The following F13A1 variants were observed in gnomAD, a reference collection of about 807,000 sequenced individuals.
F13A1 encodes the protein FSF, A subunit.
In F13A1, 47 loss-of-function variants were observed where a neutral mutation model predicts 80.1. The observed-to-expected ratio is 0.59, with a 90% CI of 0.46 to 0.75. The LOEUF (loss-of-function observed/expected upper bound fraction) is 0.75, where lower values mean the gene tolerates loss of function less well. F13A1 is among the 30% of genes least tolerant of loss of function. The pLI is 0.00. For synonymous variants in F13A1, 349 were observed against 344.9 expected, an observed-to-expected ratio of 1.01 and a Z score of -0.13; for missense variants, 817 against 930.4, an observed-to-expected ratio of 0.88 and a Z score of 1.59.
intron 4 of F13A1, among the ~76,000 whole-genome samples, chr6:6,261,389 G>C (rs1258712953): frequency 6.6e-6 from 1 of 152,168 alleles, no homozygotes; most frequent in Admixed American, 6.5e-5. Context: ...CAAGTAGCTG[G>C]GACCGCAGGC....
At chr6:6,281,123 GA>G (rs1209896937) in intron 3 of F13A1, among the ~76,000 whole-genome samples, 2 of 152,204 alleles carry the variant, frequency 1.3e-5, no homozygotes, top group Admixed American at 6.5e-5. Context: ...TTAATGGCAA[GA>G]GTCTAATAAA....
At position 6,162,483 on chromosome 6, in the gene F13A1, A is replaced by T. The variant is rs912094929; in HGVS notation, c.1908+4975T>A. Among the ~76,000 whole-genome samples the T allele has an allele frequency of 6.6e-6, 1 of 152,200 alleles. No homozygotes were observed. The highest frequency in any genetic ancestry group is 1.5e-5 in the Non-Finnish European group (1 of 68,032). ...GTGTGATCTCTCCTCCCTTGAATACAAAACTCTCTGCAAAGTCAATGACCA... is the reference window on the plus strand; with the variant it reads ...GTGTGATCTCTCCTCCCTTGAATACTAAACTCTCTGCAAAGTCAATGACCA... On this transcript the variant is annotated intron_variant, in intron 13 of 14. Coordinates refer to ENST00000264870, the MANE Select transcript of F13A1 (RefSeq NM_000129.4). The surrounding 1 kb of genome is among the most constrained non-coding windows in gnomAD (Gnocchi z 4.2).
At chr6:6,270,244 C>T (rs529427417) in intron 3 of F13A1, among the ~76,000 whole-genome samples, 6 of 152,318 alleles carry the variant, frequency 3.9e-5, no homozygotes, top group African/African-American at 1.2e-4. Context: ...ATTACAGACT[C>T]TTGAAGTCTA....
chr6:6,247,237 T>C (rs2113097046), intron 6 of F13A1, among the ~76,000 whole-genome samples: 1 of 152,356 alleles, frequency 6.6e-6, no homozygotes, highest in Middle Eastern at 3.4e-3. Context: ...TCATTCACAG[T>C]CTAATATTTT....
chr6:6,211,344 A>G lies in F13A1; in HGVS notation c.1112+10689T>C, dbSNP rs537553948. 3.9e-5 allele frequency among the ~76,000 whole-genome samples: 6 copies of G among 152,338 alleles called. No homozygotes were observed. In the South Asian group the frequency reaches 1.2e-3, roughly 32 times the overall value. Reference sequence around the variant, plus strand: ...CCTCTAATGCTAAGGCTCATGGTCTAACTCCAGGTGATTTTCCTAAAACCA... The same window carrying G: ...CCTCTAATGCTAAGGCTCATGGTCTGACTCCAGGTGATTTTCCTAAAACCA... On this transcript the variant is annotated intron_variant, in intron 8 of 14. Coordinates refer to ENST00000264870, the MANE Select transcript of F13A1 (RefSeq NM_000129.4).
intron 5 of F13A1, among the ~76,000 whole-genome samples, chr6:6,249,925 C>A (rs957330224): frequency 6.6e-6 from 1 of 152,064 alleles, no homozygotes; most frequent in Admixed American, 6.5e-5. Flanking sequence ...GGAAGCTGTT[C>A]ACAAAGCCAG....
chr6:6,254,415 CA>C, intron 4 of F13A1, among the ~76,000 whole-genome samples: 1 of 152,086 alleles, frequency 6.6e-6, no homozygotes, highest in South Asian at 2.1e-4. Context: ...AACACCAAAA[CA>C]ACATGATATG....
In F13A1 at chr6:6,199,767, T is replaced by C. The variant is rs77597920; in HGVS notation, c.1113-2441A>G. 5.6e-4 allele frequency among the ~76,000 whole-genome samples: 85 copies of C among 152,280 alleles called. 1 individual carries two copies. The East Asian group carries it at 0.014, about 26-fold the overall frequency. On this transcript the variant is annotated intron_variant, in intron 8 of 14. Transcript: ENST00000264870. ...ATCTAAATTTGCAAATCTCTGTTCG[T>C]GGAAGATGGATGGAGAGGCAAGGCT...
At chr6:6,286,715 G>A (rs550835252) in intron 3 of F13A1, among the ~76,000 whole-genome samples, 2 of 152,324 alleles carry the variant, frequency 1.3e-5, no homozygotes, top group African/African-American at 4.8e-5. Flanking sequence ...GAGAGGAAGA[G>A]CAAGACAGAA....
chr6:6,280,864 A>G (rs752484019), intron 3 of F13A1, among the ~76,000 whole-genome samples: 7 of 152,172 alleles, frequency 4.6e-5, no homozygotes, highest in Non-Finnish European at 1.0e-4. Context: ...AATAACACCT[A>G]ATTCCAGTGC....
rs537772541 is a variant in F13A1, at chr6:6,185,449, C to A, written c.1306-3308G>T. 4.3e-3 allele frequency among the ~76,000 whole-genome samples: 637 copies of A among 148,522 alleles called. 12 individuals are homozygous for A. The highest frequency in any genetic ancestry group is 0.015 in the African/African-American group (602 of 41,138). On this transcript the variant is annotated intron_variant, in intron 10 of 14. Transcript: ENST00000264870. ...ATGTGATCTCATTGTTCAATTCCCACCTATGAGTGAGAATATGCGGTGTTT... is the reference window on the plus strand; with the variant it reads ...ATGTGATCTCATTGTTCAATTCCCAACTATGAGTGAGAATATGCGGTGTTT...
At chr6:6,197,112 C>T (rs1761304279) in intron 9 of F13A1, 111 bp downstream of exon 9, 4 of 943,614 alleles carry the variant, frequency 4.2e-6, no homozygotes, top group South Asian at 1.4e-5. Context: ...AGGAAGCACA[C>T]TTCAGATGTT....
At chr6:6,199,611 GA>G (rs1453976850) in intron 8 of F13A1, among the ~76,000 whole-genome samples, 3 of 152,120 alleles carry the variant, frequency 2.0e-5, no homozygotes, top group Non-Finnish European at 4.4e-5. Context: ...ATAGAGCTCT[GA>G]AATCCACACT....
intron 10 of F13A1, among the ~76,000 whole-genome samples, chr6:6,184,056 G>A (rs1044824904): frequency 5.9e-5 from 9 of 152,380 alleles, no homozygotes; most frequent in South Asian, 2.1e-4. Flanking sequence ...AGAATGTTCT[G>A]AGTGCACATG....
chr6:6,318,722 T>C (rs1583131392), intron 1 of F13A1, 40 bp from the exon 2 acceptor site: 2 of 1,587,150 alleles, frequency 1.3e-6, no homozygotes, highest in African/African-American at 1.4e-5. Flanking sequence ...AGAAAAGGCA[T>C]GTAAAGTGAG....
intron 8 of F13A1, among the ~76,000 whole-genome samples, chr6:6,208,723 A>G (rs1761540706): frequency 6.6e-6 from 1 of 152,138 alleles, no homozygotes; most frequent in African/African-American, 2.4e-5. Flanking sequence ...AAAATAATTT[A>G]CCATGTACAA....
chr6:6,222,219 A>G (rs748392505), intron 7 of F13A1, 48 bp from the exon 8 acceptor site: 1 of 1,612,584 alleles, frequency 6.2e-7, no homozygotes. Context: ...AGCATTTAAT[A>G]AACACAGAGT....
chr6:6,194,706 G>A (rs1375710757), intron 10 of F13A1, among the ~76,000 whole-genome samples: 2 of 152,162 alleles, frequency 1.3e-5, no homozygotes, highest in Non-Finnish European at 2.9e-5. Context: ...CTGTCACCTG[G>A]CATCTAGAAA....
intron 11 of F13A1, among the ~76,000 whole-genome samples, chr6:6,178,723 T>C (rs1376441387): frequency 1.3e-5 from 2 of 151,854 alleles, no homozygotes; most frequent in Non-Finnish European, 2.9e-5. Context: ...GAAAAGCTTA[T>C]AGTCAAAAAG....
Sources: gnomAD v4.1 joint callset for allele counts (sites outside exome capture counted in the v4.1 genomes callset) on GRCh38, gnomAD v4.1.1 for gene constraint, Gnocchi (gnomAD v3.1) non-coding constraint, MANE v1.5 for transcripts, NCBI Gene and HGNC (gene_info 2026-07-23, HGNC 2026-07-21) for gene names.